MMP26: variants seen among roughly 807,000 people sequenced by gnomAD.
The protein encoded by MMP26 is matrix metallopeptidase 26, also known as matrix metalloproteinase-26.
Under a neutral mutation model 31.0 loss-of-function variants are expected in MMP26, and 33 were observed. The observed-to-expected ratio is 1.06, with a 90% CI of 0.81 to 1.42. The LOEUF (loss-of-function observed/expected upper bound fraction) is 1.42. Among genes scored for constraint, MMP26 ranks in the 40% most tolerant of loss-of-function variants. The pLI is 0.00. For synonymous variants in MMP26, 122 were observed against 114.9 expected, an observed-to-expected ratio of 1.06 and a Z score of -0.40; for missense variants, 347 against 316.1, an observed-to-expected ratio of 1.10 and a Z score of -0.74.
Position 4,964,011 on chromosome 11 carries a change from A to G in MMP26, c.-144-24057A>G, listed in dbSNP as rs142132618. Among the ~76,000 whole-genome samples the G allele has an allele frequency of 9.5e-3, 1,445 of 151,952 alleles. 15 individuals are homozygous for G. The highest frequency in any genetic ancestry group is 0.013 in the Non-Finnish European group (866 of 67,916). ...AGTTCCCATAGACGCTGGATATTAG[A>G]TTTTTGCCAGATGGTCAGATTGCAA... On this transcript the variant is annotated intron_variant, in intron 2 of 7. Coordinates refer to ENST00000380390, the MANE Select transcript of MMP26 (RefSeq NM_021801.5).
chr11:4,974,573 T>G (rs1387038917), intron 2 of MMP26, among the ~76,000 whole-genome samples: 1 of 152,138 alleles, frequency 6.6e-6, no homozygotes, highest in Non-Finnish European at 1.5e-5. Context: ...TAGTGATTAC[T>G]GATTGCTTAG....
intron 2 of MMP26, among the ~76,000 whole-genome samples, chr11:4,770,811 C>A (rs1848705901): frequency 6.6e-6 from 1 of 151,986 alleles, no homozygotes; most frequent in African/African-American, 2.4e-5. Context: ...CCACCGCACT[C>A]CAGCCTGGTG....
At chr11:4,841,882 A>C (rs887718120) in intron 2 of MMP26, among the ~76,000 whole-genome samples, 1 of 152,222 alleles carries the variant, frequency 6.6e-6, no homozygotes, top group African/African-American at 2.4e-5. Flanking sequence ...GTGGTGAGCC[A>C]AGATCACGCC....
At chr11:4,903,840 C>G (rs1186181103) in intron 2 of MMP26, 1 of 152,044 alleles carries the variant, frequency 6.6e-6, no homozygotes, top group Non-Finnish European at 1.5e-5. Flanking sequence ...AAACCTAAAT[C>G]TAAGGTTTGT....
intron 2 of MMP26, among the ~76,000 whole-genome samples, chr11:4,788,002 C>T (rs1848971865): frequency 6.6e-6 from 1 of 152,168 alleles, no homozygotes; most frequent in African/African-American, 2.4e-5. Flanking sequence ...TTTATATCCA[C>T]AGCTATTGTC....
At chr11:4,804,046 GAAGAA>G in intron 2 of MMP26, 2 of 1,614,018 alleles carry the variant, frequency 1.2e-6, no homozygotes, top group Non-Finnish European at 1.7e-6. Context: ...AGACTCCACA[GAAGAA>G]AAGGCATGGA....
At chr11:4,759,444 A>G (rs1848546231) in intron 1 of MMP26, among the ~76,000 whole-genome samples, 1 of 152,142 alleles carries the variant, frequency 6.6e-6, no homozygotes, top group South Asian at 2.1e-4. Context: ...TGTGCATGTC[A>G]TGTGTCCATA....
At chr11:4,903,707 G>T (rs988695993) in intron 2 of MMP26, 1 of 152,112 alleles carries the variant, frequency 6.6e-6, no homozygotes, top group African/African-American at 2.4e-5. Flanking sequence ...GTCACCTGAG[G>T]AAAAGAGAAG....
chr11:4,726,672 C>G (rs973606135), intron 1 of MMP26, among the ~76,000 whole-genome samples: 2 of 152,146 alleles, frequency 1.3e-5, no homozygotes, highest in Admixed American at 1.3e-4. Flanking sequence ...CAAGTGTTGA[C>G]TAATTTATTT....
At chr11:4,755,968 A>G (rs1414795601) in intron 1 of MMP26, among the ~76,000 whole-genome samples, 2 of 152,116 alleles carry the variant, frequency 1.3e-5, no homozygotes, top group Non-Finnish European at 2.9e-5. Context: ...TCTGTAAACT[A>G]TGTAGCATGT....
At chr11:4,936,762 C>A (rs991586739) in intron 2 of MMP26, among the ~76,000 whole-genome samples, 3 of 152,062 alleles carry the variant, frequency 2.0e-5, no homozygotes, top group Admixed American at 6.6e-5. Context: ...CTAAAATAAA[C>A]AATGGAGATA....
chr11:4,859,917 A>G (rs1304457095), intron 2 of MMP26: 6 of 471,088 alleles, frequency 1.3e-5, no homozygotes, highest in Non-Finnish European at 2.6e-5. Context: ...AAGACAGTAG[A>G]GTGAGGAGAA....
At chr11:4,712,804 G>GTT (rs140292103) in intron 1 of MMP26, among the ~76,000 whole-genome samples, 2 of 150,286 alleles carry the variant, frequency 1.3e-5, no homozygotes, top group African/African-American at 2.4e-5. Flanking sequence ...TTATTTCTAA[G>GTT]TTTTTTTTTC....
intron 2 of MMP26, chr11:4,769,486 A>C: frequency 6.2e-7 from 1 of 1,613,724 alleles, no homozygotes; most frequent in Non-Finnish European, 8.5e-7. Context: ...GACCCATTTG[A>C]ATGATTCTGG....
chr11:4,921,308 A>T (rs1474110020), intron 2 of MMP26, among the ~76,000 whole-genome samples: 2 of 152,230 alleles, frequency 1.3e-5, no homozygotes, highest in Non-Finnish European at 2.9e-5. Flanking sequence ...TCTAGCAAAG[A>T]GAGAGGCATA....
intron 2 of MMP26, among the ~76,000 whole-genome samples, chr11:4,984,304 G>T (rs1846855996): frequency 6.6e-6 from 1 of 152,118 alleles, no homozygotes; most frequent in Non-Finnish European, 1.5e-5. Context: ...TGACCTCAAA[G>T]CCTCATTTCC....
chr11:4,879,950 G>A (rs1212496137), intron 2 of MMP26, among the ~76,000 whole-genome samples: 1 of 152,152 alleles, frequency 6.6e-6, no homozygotes. Flanking sequence ...GCTGGGTAAA[G>A]AGGAATGGTT....
At chr11:4,747,465 A>G (rs1313948650) in intron 1 of MMP26, among the ~76,000 whole-genome samples, 1 of 152,214 alleles carries the variant, frequency 6.6e-6, no homozygotes, top group Non-Finnish European at 1.5e-5. Context: ...AAAGGATAAA[A>G]ATCAAAACTG....
chr11:4,815,162 A>G (rs966162523), intron 2 of MMP26, among the ~76,000 whole-genome samples: 8 of 152,202 alleles, frequency 5.3e-5, no homozygotes, highest in Non-Finnish European at 7.3e-5. Context: ...TGGGTAGAGA[A>G]GTAGTCACTT....
Sources: allele counts gnomAD v4.1 joint callset (sites outside exome capture counted in the v4.1 genomes callset), GRCh38; gene constraint gnomAD v4.1.1; transcripts MANE v1.5; gene names NCBI Gene and HGNC (gene_info 2026-07-23, HGNC 2026-07-21).